Variants in METTL21A observed in about 807,000 individuals in gnomAD.
The protein encoded by METTL21A is protein N-lysine methyltransferase METTL21A.
A neutral mutation model predicts 20.9 loss-of-function variants in METTL21A; 22 were observed. The ratio of observed to expected loss-of-function variants is 1.05; its 90% CI spans 0.75 to 1.50. The LOEUF (loss-of-function observed/expected upper bound fraction) is 1.50. Ranked by LOEUF, METTL21A falls within the 40% of genes most tolerant of loss-of-function variation. METTL21A has a pLI of 0.00. For missense variants in METTL21A, 271 were observed against 266.8 expected (o/e 1.02, Z -0.11); for synonymous variants, 93 against 102.0 (o/e 0.91, Z 0.53).
At chr2:207,595,352 T>G (rs2085937021) in intron 3 of METTL21A, among the ~76,000 whole-genome samples, 1 of 152,046 alleles carries the variant, frequency 6.6e-6, no homozygotes, top group African/African-American at 2.4e-5. Flanking sequence ...TCTGTTCAAG[T>G]CCCTATGCCC....
chr2:207,584,421 C>A (rs563490842), intron 3 of METTL21A, among the ~76,000 whole-genome samples: 1 of 151,436 alleles, frequency 6.6e-6, no homozygotes, highest in Non-Finnish European at 1.5e-5. Context: ...TTTTTTGAGA[C>A]GGAGTCTCCC....
At chr2:207,588,893 G>T (rs2084425628) in intron 3 of METTL21A, among the ~76,000 whole-genome samples, 1 of 144,236 alleles carries the variant, frequency 6.9e-6, no homozygotes, top group African/African-American at 2.6e-5. Flanking sequence ...CTTTGTCGGG[G>T]GGGGTGTAGA....
At chr2:207,622,664 G>A (rs1243568242) in intron 2 of METTL21A, among the ~76,000 whole-genome samples, 1 of 152,246 alleles carries the variant, frequency 6.6e-6, no homozygotes, top group African/African-American at 2.4e-5. Context: ...CTGCGTCACT[G>A]ATGGTCATCG....
At chr2:207,595,155 C>G (rs916740616) in intron 3 of METTL21A, among the ~76,000 whole-genome samples, 1 of 151,488 alleles carries the variant, frequency 6.6e-6, no homozygotes, top group Non-Finnish European at 1.5e-5. Flanking sequence ...ACCACCATAC[C>G]TGGCTAATTT....
At chr2:207,592,435 T>G (rs1334662897) in intron 3 of METTL21A, among the ~76,000 whole-genome samples, 3 of 151,294 alleles carry the variant, frequency 2.0e-5, no homozygotes, top group Admixed American at 6.6e-5. Flanking sequence ...ACTTTTTTTC[T>G]TATGATTTAA....
chr2:207,594,995 T>G (rs2085838027), intron 3 of METTL21A, among the ~76,000 whole-genome samples: 1 of 149,102 alleles, frequency 6.7e-6, no homozygotes, highest in Non-Finnish European at 1.5e-5. Context: ...GAGCATCTTT[T>G]TTTTTTTTTT....
chr2:207,620,854 G>C (rs1318251619), intron 3 of METTL21A: 4 of 581,492 alleles, frequency 6.9e-6, no homozygotes, highest in African/African-American at 5.7e-5. Context: ...GACAAAAGAG[G>C]GGCTTTAGCT....
At chr2:207,582,229 TAGA>T (rs2083059791) in intron 3 of METTL21A, 1 of 701,320 alleles carries the variant, frequency 1.4e-6, no homozygotes, top group Non-Finnish European at 2.6e-6. Flanking sequence ...AGGTGTATTT[TAGA>T]AGAAGTACTT....
At chr2:207,609,440 A>T (rs2088606564), downstream of METTL21A, 1 of 152,234 alleles carries the variant, frequency 6.6e-6, no homozygotes. Flanking sequence ...TTTAAATGGA[A>T]TGTATCTTTT....
intron 3 of METTL21A, chr2:207,599,045 T>C (rs532102712): frequency 1.1e-5 from 2 of 188,532 alleles, no homozygotes; most frequent in South Asian, 3.9e-4. Flanking sequence ...AAATGGTATA[T>C]TTTCGTTTGT....
chr2:207,594,419 G>C (rs2085717917), intron 3 of METTL21A, among the ~76,000 whole-genome samples: 1 of 152,090 alleles, frequency 6.6e-6, no homozygotes, highest in African/African-American at 2.4e-5. Context: ...ACTAATGTAA[G>C]TCCTGTTTCT....
At chr2:207,593,185 T>G (rs535751663) in intron 3 of METTL21A, among the ~76,000 whole-genome samples, 17 of 152,350 alleles carry the variant, frequency 1.1e-4, no homozygotes, top group African/African-American at 4.1e-4. Flanking sequence ...ATCTTACATG[T>G]TATCCACCAT....
chr2:207,601,280 G>C lies in METTL21A; in HGVS notation c.260-19120C>G, dbSNP rs572132641. 8.6e-5 allele frequency: 16 copies of C among 185,190 alleles called. No individual in the cohort carries two copies. In the East Asian group the frequency reaches 1.4e-3, roughly 16 times the overall value. The allele number at this position is 185,190 out of a possible 1,614,324, so 11.5% of individuals were successfully genotyped here. ...GCACTTTTTTAAATGACCCAGTTTG[G>C]GTATTAGCAACTTAAGAAATTCCCT... On this transcript the variant is annotated intron_variant, in intron 3 of 3. Transcript: ENST00000425132.
intron 3 of METTL21A, among the ~76,000 whole-genome samples, chr2:207,591,465 T>TG (rs1184831711): frequency 1.3e-5 from 2 of 152,206 alleles, no homozygotes; most frequent in African/African-American, 2.4e-5. Context: ...CTTGCTCTGT[T>TG]GCCCAGGCTG....
At chr2:207,585,925 AT>A (rs1271105562) in intron 3 of METTL21A, among the ~76,000 whole-genome samples, 3 of 152,200 alleles carry the variant, frequency 2.0e-5, no homozygotes, top group Non-Finnish European at 2.9e-5. Context: ...AGGAGAAAAT[AT>A]AGGAAAAGGC....
intron 2 of METTL21A, among the ~76,000 whole-genome samples, chr2:207,623,064 C>T (rs1247259558): frequency 1.3e-5 from 2 of 152,030 alleles, no homozygotes; most frequent in African/African-American, 2.4e-5. Context: ...TGCGCCACCA[C>T]GGCTAATTTT....
At chr2:207,591,641 C>T (rs1049744692) in intron 3 of METTL21A, among the ~76,000 whole-genome samples, 11 of 152,174 alleles carry the variant, frequency 7.2e-5, no homozygotes, top group African/African-American at 2.7e-4. Flanking sequence ...CCATGTTGGC[C>T]AGGCTGGTCT....
At chr2:207,616,690 CA>C (rs1174860531) in intron 3 of METTL21A, among the ~76,000 whole-genome samples, 1 of 152,076 alleles carries the variant, frequency 6.6e-6, no homozygotes, top group Admixed American at 6.6e-5. Context: ...ACTAAAATTA[CA>C]AAAAATTAGC....
chr2:207,608,981 G>C (rs1295320255), downstream of METTL21A: 1 of 152,226 alleles, frequency 6.6e-6, no homozygotes, highest in African/African-American at 2.4e-5. Flanking sequence ...GATACTGCCA[G>C]GCTTTATTTT....
Sources: gnomAD v4.1 joint callset for allele counts (sites outside exome capture counted in the v4.1 genomes callset) on GRCh38, gnomAD v4.1.1 for gene constraint, MANE v1.5 for transcripts, NCBI Gene and HGNC (gene_info 2026-07-23, HGNC 2026-07-21) for gene names.